Variants in PGR observed in about 807,000 individuals in gnomAD.
The protein encoded by PGR is progesterone receptor.
In PGR, 25 loss-of-function variants were observed where a neutral mutation model predicts 76.1. The observed-to-expected ratio is 0.33, with a 90% CI of 0.24 to 0.46. The LOEUF (loss-of-function observed/expected upper bound fraction) is 0.46. Ranked by LOEUF, PGR falls within the 20% of genes least tolerant of loss-of-function variation. PGR has a pLI of 1.00. For missense variants in PGR, 1,172 were observed against 1,225.3 expected, an observed-to-expected ratio of 0.96 and a Z score of 0.65; for synonymous variants, 579 against 535.0, an observed-to-expected ratio of 1.08 and a Z score of -1.14.
intron 3 of PGR, among the ~76,000 whole-genome samples, chr11:101,084,216 G>C (rs984520941): frequency 2.0e-5 from 3 of 152,156 alleles, no homozygotes; most frequent in African/African-American, 7.2e-5. Context: ...TGCCTTGATT[G>C]TAAGTTTCCT....
In PGR at chr11:101,049,832, T is replaced by C. The variant is rs1860028143; in HGVS notation, c.2488+97A>G. The C allele has an allele frequency of 5.4e-6, 5 of 929,986 alleles. No homozygotes were observed. In the South Asian group the frequency reaches 5.5e-5, roughly 10 times the overall value. The allele number at this position is 929,986 out of a possible 1,614,324, so 57.6% of individuals were successfully genotyped here. On this transcript the variant is annotated intron_variant, in intron 6 of 7. Coordinates refer to ENST00000325455, the MANE Select transcript of PGR (RefSeq NM_000926.4). ...TTCTTTATACTTATAATCCAAGACG[T>C]CTACCTCATACATAACTATATAATC...
chr11:101,103,129 C>A (rs1283119906), intron 2 of PGR, among the ~76,000 whole-genome samples: 1 of 151,338 alleles, frequency 6.6e-6, no homozygotes, highest in Non-Finnish European at 1.5e-5. Flanking sequence ...AGTAAAATGG[C>A]AGGAGAAATG....
intron 6 of PGR, among the ~76,000 whole-genome samples, chr11:101,046,013 T>C (rs1859862841): frequency 6.6e-6 from 1 of 152,118 alleles, no homozygotes; most frequent in Non-Finnish European, 1.5e-5. Flanking sequence ...TACCAACCAA[T>C]CCCTATATTT....
intron 4 of PGR, among the ~76,000 whole-genome samples, chr11:101,057,906 T>C (rs541579902): frequency 4.6e-5 from 7 of 152,272 alleles, no homozygotes; most frequent in South Asian, 2.1e-4. Flanking sequence ...GCTAATATTA[T>C]GTATTTAGGA....
chr11:101,095,277 A>C (rs558961773), intron 2 of PGR, among the ~76,000 whole-genome samples: 59 of 152,334 alleles, frequency 3.9e-4, no homozygotes, highest in South Asian at 1.7e-3. Context: ...TCCCCCACTA[A>C]ATTAAAATGC....
intron 3 of PGR, among the ~76,000 whole-genome samples, chr11:101,086,343 A>C (rs1861499896): frequency 6.6e-6 from 1 of 152,190 alleles, no homozygotes; most frequent in African/African-American, 2.4e-5. Flanking sequence ...ATAAAACCAT[A>C]TGATCATCTC....
chr11:101,052,650 G>T (rs549139794), intron 4 of PGR, among the ~76,000 whole-genome samples: 1 of 152,250 alleles, frequency 6.6e-6, no homozygotes, highest in Admixed American at 6.6e-5. Flanking sequence ...AAGGGAATAA[G>T]TCTGGAGTTA....
rs146355472 is a variant in PGR, at chr11:101,087,875, T to C, written c.1906+3885A>G. On this transcript the variant is annotated intron_variant, in intron 3 of 7. Transcript: ENST00000325455. ...TAAGATATGCAAATCAAAGCGACAA[T>C]GACATACCATCTTACACCAATCAGA... 2.1e-3 allele frequency among the ~76,000 whole-genome samples: 312 copies of C among 152,136 alleles called. 2 individuals carry two copies. Among genetic ancestry groups the C allele is most frequent in the Non-Finnish European group, 3.2e-3 (219 of 68,002 alleles).
intron 2 of PGR, among the ~76,000 whole-genome samples, chr11:101,110,041 A>C (rs554173468): frequency 1.3e-5 from 2 of 152,296 alleles, no homozygotes; most frequent in South Asian, 4.1e-4. Context: ...TGGTCCACTA[A>C]CTACTTTAAG....
At chr11:101,090,589 G>T (rs576719387) in intron 3 of PGR, among the ~76,000 whole-genome samples, 1 of 152,330 alleles carries the variant, frequency 6.6e-6, no homozygotes, top group South Asian at 2.1e-4. Flanking sequence ...CAAAGAGGTG[G>T]TAATTGAGGT....
intron 3 of PGR, among the ~76,000 whole-genome samples, chr11:101,069,291 A>T (rs2135421448): frequency 6.6e-6 from 1 of 152,348 alleles, no homozygotes; most frequent in South Asian, 2.1e-4. Context: ...AGAGAAATGC[A>T]AATCAAAACC....
intron 2 of PGR, among the ~76,000 whole-genome samples, chr11:101,114,950 C>A (rs1862456409): frequency 6.6e-6 from 1 of 152,144 alleles, no homozygotes; most frequent in South Asian, 2.1e-4. Context: ...ATTGTAAACA[C>A]CCCATTGTGC....
intron 3 of PGR, among the ~76,000 whole-genome samples, chr11:101,075,529 A>G (rs1861091289): frequency 6.6e-6 from 1 of 151,884 alleles, no homozygotes; most frequent in South Asian, 2.1e-4. Context: ...CAGAGTGAAC[A>G]GGCAACCTAC....
At chr11:101,076,896 A>AT (rs1446667064) in intron 3 of PGR, among the ~76,000 whole-genome samples, 17 of 70,030 alleles carry the variant, frequency 2.4e-4, no homozygotes, top group African/African-American at 8.3e-4. Flanking sequence ...TATCTTTACT[A>AT]TTTTTTTAAA....
Position 101,128,326 on chromosome 11 carries a change from C to A in PGR, c.745G>T (p.Ala249Ser). Residue 249 changes from alanine to serine, a missense_variant, in exon 1 of 8, where the codon GCT (alanine) becomes TCT (serine). Ala to Ser is a moderately conservative substitution (Grantham distance 99, BLOSUM62 1). This residue lies in a region of PGR where 893 missense variants were observed against 785.9 expected (regional missense o/e 1.14). Transcript: ENST00000325455. Reference sequence around the variant, plus strand: ...GGGACAGCCGCGGCTCCTCCTCCAGCCGCCGCGCCACCCAGAGCCCGAGGT... The same window carrying A: ...GGGACAGCCGCGGCTCCTCCTCCAGACGCCGCGCCACCCAGAGCCCGAGGT... ...GKPRALGGAA[A>S]GGGAAAVPPG... 6.3e-7 allele frequency: 1 copy of A among 1,596,092 alleles called. No homozygotes were observed. Among genetic ancestry groups the A allele is most frequent in the South Asian group, 1.1e-5 (1 of 90,476 alleles).
At chr11:101,068,371 C>G (rs892830797) in intron 3 of PGR, among the ~76,000 whole-genome samples, 1 of 151,744 alleles carries the variant, frequency 6.6e-6, no homozygotes, top group African/African-American at 2.4e-5. Flanking sequence ...GAAATCAGGG[C>G]ACAAACAAAT....
In PGR at chr11:101,127,518, T is replaced by C. The variant is rs773360176; in HGVS notation, c.1553A>G (p.Asn518Ser). The part of the protein sequence containing the change: ...APALYPALGL[N>S]GLPQLGYQAA... ...CTGGTAGCCGAGCTGCGGGAGCCCGTTGAGGCCGAGTGCAGGGTAGAGCGC... is the reference window on the plus strand; with the variant it reads ...CTGGTAGCCGAGCTGCGGGAGCCCGCTGAGGCCGAGTGCAGGGTAGAGCGC... Residue 518 changes from asparagine to serine, a missense_variant, in exon 1 of 8, where the codon AAC becomes AGC. Physicochemically the swap from Asn to Ser is conservative, Grantham distance 46. This residue lies in a region of PGR where 893 missense variants were observed against 785.9 expected (regional missense o/e 1.14). Transcript: ENST00000325455. 9 of 1,536,112 alleles carry C rather than the reference T, an allele frequency of 5.9e-6. No individual in the cohort carries two copies. Among genetic ancestry groups the C allele is most frequent in the Middle Eastern group, 1.9e-4 (1 of 5,132 alleles).
rs1859565802 is a variant in PGR, at chr11:101,037,971, T to G, written c.*1145A>C. The G allele has an allele frequency of 9.5e-6, 2 of 210,718 alleles. No homozygotes were observed. The highest frequency in any genetic ancestry group is 1.9e-5 in the Non-Finnish European group (2 of 103,768). The allele number at this position is 210,718 out of a possible 1,614,324, so 13.1% of individuals were successfully genotyped here. On this transcript the variant is annotated 3_prime_UTR_variant, in exon 8 of 8. Coordinates refer to ENST00000325455, the MANE Select transcript of PGR (RefSeq NM_000926.4). ...AGGTAAACTCTAGGAGAAGGCAAAT[T>G]ACTGCTTGGAAGACTCAGGGAAGAT...
chr11:101,046,103 AT>A (rs1859867537), intron 6 of PGR, among the ~76,000 whole-genome samples: 1 of 141,862 alleles, frequency 7.0e-6, no homozygotes, highest in African/African-American at 2.7e-5. Flanking sequence ...TTTTAGTGTA[AT>A]TTATTTATTT....
Sources: allele counts gnomAD v4.1 joint callset (sites outside exome capture counted in the v4.1 genomes callset), GRCh38; gene constraint gnomAD v4.1.1; regional missense constraint gnomAD v4.1.1; transcripts MANE v1.5; gene names NCBI Gene and HGNC (gene_info 2026-07-23, HGNC 2026-07-21).